SASH1: variants seen among roughly 807,000 people sequenced by gnomAD.
SASH1 encodes the protein SAM and SH3 domain containing 1.
SASH1 carries 44 observed loss-of-function variants against 125.2 expected under a neutral mutation model. That is an observed-to-expected ratio of 0.35 (90% confidence interval 0.28 to 0.45). The LOEUF (loss-of-function observed/expected upper bound fraction) is 0.45. Ranked by LOEUF, SASH1 falls within the 20% of genes least tolerant of loss-of-function variation. The pLI is 1.00. For missense variants in SASH1, 1,426 were observed against 1,614.5 expected (o/e 0.88, Z 2.00); for synonymous variants, 639 against 649.1 (o/e 0.98, Z 0.24).
chr6:148,388,172 C>T (rs1466642194), intron 1 of SASH1, among the ~76,000 whole-genome samples: 1 of 152,122 alleles, frequency 6.6e-6, no homozygotes, highest in African/African-American at 2.4e-5. Flanking sequence ...ACCTCAGCCT[C>T]CCAAAGTGCT....
At chr6:148,245,903 G>C in the SASH1 span, among the ~76,000 whole-genome samples, 1 of 151,846 alleles carries the variant, frequency 6.6e-6, no homozygotes, top group Non-Finnish European at 1.5e-5. Context: ...GCAGGAGAAT[G>C]GCGTGAACCC....
intron 1 of SASH1, among the ~76,000 whole-genome samples, chr6:148,298,743 G>A (rs1459294629): frequency 2.0e-5 from 2 of 100,436 alleles, no homozygotes; most frequent in African/African-American, 8.1e-5. Context: ...GGGAGGGAGG[G>A]AAAGGAAGGA....
chr6:148,363,810 G>A (rs1782343901), intron 1 of SASH1, among the ~76,000 whole-genome samples: 1 of 152,064 alleles, frequency 6.6e-6, no homozygotes. Flanking sequence ...TGGAGAGTCA[G>A]AAATCACTCC....
the SASH1 span, among the ~76,000 whole-genome samples, chr6:148,254,916 G>A: frequency 5.7e-4 from 86 of 152,128 alleles, no homozygotes; most frequent in African/African-American, 2.0e-3. Context: ...AATGTTCATA[G>A]TAACATTATT....
the SASH1 span, among the ~76,000 whole-genome samples, chr6:148,222,293 A>G: frequency 6.6e-6 from 1 of 152,202 alleles, no homozygotes; most frequent in Non-Finnish European, 1.5e-5. Flanking sequence ...CCACAGAAAA[A>G]TATTTCACAC....
intron 8 of SASH1, among the ~76,000 whole-genome samples, chr6:148,512,295 AT>A (rs1310433327): frequency 6.6e-6 from 1 of 152,108 alleles, no homozygotes; most frequent in Non-Finnish European, 1.5e-5. Flanking sequence ...TGATTTCAAC[AT>A]TTTTAAATGT....
At chr6:148,444,573 C>G (rs1776695986) in intron 4 of SASH1, among the ~76,000 whole-genome samples, 1 of 152,198 alleles carries the variant, frequency 6.6e-6, no homozygotes, top group South Asian at 2.1e-4. Flanking sequence ...CCCATTCATC[C>G]TTATTTTCTT....
chr6:148,365,090 T>C (rs941808781), intron 1 of SASH1, among the ~76,000 whole-genome samples: 3 of 150,710 alleles, frequency 2.0e-5, no homozygotes, highest in African/African-American at 7.4e-5. Context: ...GCCACTGCAC[T>C]CCAGCCTGGG....
intron 4 of SASH1, among the ~76,000 whole-genome samples, chr6:148,448,157 C>T (rs1042189440): frequency 2.2e-5 from 3 of 135,994 alleles, no homozygotes; most frequent in East Asian, 2.5e-4. Flanking sequence ...TGTGTGCGTG[C>T]GTGCGTGCGT....
At chr6:148,420,588 A>G (rs534955398) in intron 2 of SASH1, among the ~76,000 whole-genome samples, 58 of 152,266 alleles carry the variant, frequency 3.8e-4, no homozygotes, top group African/African-American at 1.3e-3. Context: ...AAAATATACA[A>G]TGACTTCAAG....
Position 148,544,562 on chromosome 6 carries a change from G to A in SASH1, c.3092G>A (p.Ser1031Asn). ...AGGGGCAGCCCCGCCAGCCCCACCA[G>A]CCCTAGCGACTGTCCCCCAGCACTG... ...VKRGSPASPT[S>N]PSDCPPALAP... The change falls in exon 18 of 20, where the codon AGC (serine) becomes AAC (asparagine). Residue 1031 changes from serine to asparagine, a missense_variant. Ser to Asn is a conservative substitution (Grantham distance 46). Around this residue, in one of 3 missense-constraint regions of SASH1, gnomAD observed 634 missense variants for 694.4 expected, o/e 0.91. Transcript: ENST00000367467. The surrounding 1 kb of genome is among the most constrained non-coding windows in gnomAD (Gnocchi z 6.4). 4.3e-6 allele frequency: 7 copies of A among 1,613,218 alleles called. No homozygotes were observed. Among genetic ancestry groups the A allele is most frequent in the Non-Finnish European group, 5.1e-6 (6 of 1,179,954 alleles).
At chr6:148,257,173 A>G in the SASH1 span, among the ~76,000 whole-genome samples, 2 of 152,176 alleles carry the variant, frequency 1.3e-5, no homozygotes, top group African/African-American at 4.8e-5. Flanking sequence ...CATGGAGTTC[A>G]GGGCCAGGAC....
chr6:148,371,460 A>T (rs1369285109), intron 1 of SASH1, among the ~76,000 whole-genome samples: 2 of 147,684 alleles, frequency 1.4e-5, no homozygotes, highest in Non-Finnish European at 3.0e-5. Context: ...TAGAGATGGG[A>T]TTTCATCATG....
At chr6:148,367,330 T>G (rs1230739950) in intron 1 of SASH1, among the ~76,000 whole-genome samples, 2 of 152,262 alleles carry the variant, frequency 1.3e-5, no homozygotes, top group Non-Finnish European at 2.9e-5. Context: ...CTCAGTCCTT[T>G]TAGCAATCCT....
chr6:148,197,042 A>G, the SASH1 span, among the ~76,000 whole-genome samples: 1 of 152,200 alleles, frequency 6.6e-6, no homozygotes, highest in Non-Finnish European at 1.5e-5. Context: ...GAGAGTCTTG[A>G]AGACCAAACA....
intron 1 of SASH1, among the ~76,000 whole-genome samples, chr6:148,383,466 A>C (rs1245951540): frequency 6.6e-6 from 1 of 152,190 alleles, no homozygotes; most frequent in Non-Finnish European, 1.5e-5. Context: ...AGGAGTCAGC[A>C]GTCTGTCTTT....
intron 1 of SASH1, among the ~76,000 whole-genome samples, chr6:148,326,414 C>CTTTTCTTTTCTTTTCTTTTT (rs57839850): frequency 2.5e-4 from 21 of 84,016 alleles, no homozygotes; most frequent in East Asian, 1.2e-3. Context: ...CTTTTCTTTT[C>CTTTTCTTTTCTTTTCTTTTT]TTTTTTTTGA....
At chr6:148,415,151 TTGAG>T (rs761920049) in intron 2 of SASH1, among the ~76,000 whole-genome samples, 5 of 152,200 alleles carry the variant, frequency 3.3e-5, no homozygotes, top group African/African-American at 9.7e-5. Flanking sequence ...GAACTTTGTA[TTGAG>T]TATTTTTAAT....
At chr6:148,257,080 G>A in the SASH1 span, among the ~76,000 whole-genome samples, 897 of 152,082 alleles carry the variant, frequency 5.9e-3, 7 homozygotes, top group Non-Finnish European at 8.3e-3. Context: ...ATATCAATAC[G>A]GCTGTTAACA....
Sources: allele counts gnomAD v4.1 joint callset (sites outside exome capture counted in the v4.1 genomes callset), GRCh38; gene constraint gnomAD v4.1.1; regional missense constraint gnomAD v4.1.1; non-coding constraint Gnocchi (gnomAD v3.1); transcripts MANE v1.5; gene names NCBI Gene and HGNC (gene_info 2026-07-23, HGNC 2026-07-21).